PIK3C2G: variants seen among roughly 807,000 people sequenced by gnomAD.
PIK3C2G encodes the protein phosphatidylinositol 3-kinase C2 domain-containing subunit gamma.
PIK3C2G carries 168 observed loss-of-function variants against 181.1 expected under a neutral mutation model. That is an observed-to-expected ratio of 0.93 (90% CI 0.82 to 1.05). PIK3C2G has a LOEUF of 1.05. Ranked by LOEUF, PIK3C2G falls within the 50% of genes least tolerant of loss-of-function variation. PIK3C2G has a pLI of 0.00. For missense variants in PIK3C2G, 1,869 were observed against 1,732.8 expected, an observed-to-expected ratio of 1.08 and a Z score of -1.40; for synonymous variants, 573 against 592.2, an observed-to-expected ratio of 0.97 and a Z score of 0.47.
chr12:18,263,752 C>T (rs1246612454), intron 1 of PIK3C2G, among the ~76,000 whole-genome samples: 2 of 151,946 alleles, frequency 1.3e-5, no homozygotes, highest in Non-Finnish European at 2.9e-5. Context: ...ATACCTTTTT[C>T]GTCTTTTAAA....
chr12:18,425,627 T>C (rs1395411845), intron 18 of PIK3C2G, among the ~76,000 whole-genome samples: 2 of 152,084 alleles, frequency 1.3e-5, no homozygotes, highest in African/African-American at 4.8e-5. Context: ...CTTGACCTCA[T>C]GATCTGCCTG....
At chr12:18,298,430 G>GT (rs1555151574) in intron 5 of PIK3C2G, among the ~76,000 whole-genome samples, 1 of 143,988 alleles carries the variant, frequency 6.9e-6, no homozygotes, top group South Asian at 2.1e-4. Flanking sequence ...TTGCTGTTGA[G>GT]TTTCTTTTAT....
rs1228616711 is a variant in PIK3C2G at position 18,251,114 on chromosome 12, G to C, written c.-79+3032G>C. Among the ~76,000 whole-genome samples, 3 of 151,880 alleles carry C rather than the reference G, an allele frequency of 2.0e-5. No individual in the cohort carries two copies. The East Asian group carries it at 5.8e-4, about 29-fold the overall frequency. On this transcript the variant is annotated intron_variant, in intron 1 of 11. Transcript: ENST00000535651. ...ATCTTTGCCTAGTAAAACATATGTA[G>C]CATTATATGTAATAAATTTCGACTA...
At chr12:18,712,812 A>C in the PIK3C2G span, 1 of 1,608,496 alleles carries the variant, frequency 6.2e-7, no homozygotes, top group African/African-American at 1.3e-5. Flanking sequence ...CTGTTTAAAT[A>C]GCTACAGTTG....
intron 29 of PIK3C2G, among the ~76,000 whole-genome samples, chr12:18,570,951 A>G (rs1945904572): frequency 6.6e-6 from 1 of 150,866 alleles, no homozygotes; most frequent in Non-Finnish European, 1.5e-5. Context: ...GCAAAGGAAA[A>G]TTATAGAGAT....
intron 15 of PIK3C2G, among the ~76,000 whole-genome samples, chr12:18,399,380 T>TAA (rs80121817): frequency 7.2e-6 from 1 of 139,652 alleles, no homozygotes; most frequent in African/African-American, 2.6e-5. Flanking sequence ...AATGACATAT[T>TAA]AAAAAAAAAA....
At chr12:18,390,004 G>T (rs1319388622) in intron 14 of PIK3C2G, among the ~76,000 whole-genome samples, 2 of 152,030 alleles carry the variant, frequency 1.3e-5, no homozygotes, top group African/African-American at 4.8e-5. Context: ...CCCCTCTAAG[G>T]TACCAAAGTT....
chr12:18,719,195 TA>T, the PIK3C2G span, among the ~76,000 whole-genome samples: 1 of 152,116 alleles, frequency 6.6e-6, no homozygotes, highest in South Asian at 2.1e-4. Context: ...GAGAGGAGGT[TA>T]ACAGGTGGGA....
At chr12:18,333,963 C>T (rs1938243561) in intron 8 of PIK3C2G, among the ~76,000 whole-genome samples, 1 of 152,122 alleles carries the variant, frequency 6.6e-6, no homozygotes, top group South Asian at 2.1e-4. Context: ...GGAGACAAGG[C>T]TGTTACCCAC....
At chr12:18,358,916 T>A (rs1309933181) in intron 11 of PIK3C2G, 1 of 164,194 alleles carries the variant, frequency 6.1e-6, no homozygotes, top group Non-Finnish European at 1.3e-5. Flanking sequence ...TGTTGGTACT[T>A]GCTGCTGCAG....
At chr12:18,509,602 C>T (rs1217646674) in intron 24 of PIK3C2G, among the ~76,000 whole-genome samples, 1 of 152,180 alleles carries the variant, frequency 6.6e-6, no homozygotes, top group African/African-American at 2.4e-5. Context: ...CATTTGGAAT[C>T]TATGCTCAGG....
At chr12:18,363,686 T>G (rs1044645772) in intron 12 of PIK3C2G, among the ~76,000 whole-genome samples, 1 of 152,032 alleles carries the variant, frequency 6.6e-6, no homozygotes, top group Non-Finnish European at 1.5e-5. Flanking sequence ...TGATCTGGCT[T>G]TCTTAGAAGA....
downstream of PIK3C2G, among the ~76,000 whole-genome samples, chr12:18,650,331 C>CTCTATA (rs1555163997): frequency 7.3e-4 from 67 of 91,974 alleles, no homozygotes; most frequent in Middle Eastern, 7.7e-3. Flanking sequence ...CTCTCTCTCT[C>CTCTATA]TATATATATA....
chr12:18,270,306 T>C (rs1463957594), intron 1 of PIK3C2G, among the ~76,000 whole-genome samples: 2 of 152,180 alleles, frequency 1.3e-5, no homozygotes, highest in Non-Finnish European at 2.9e-5. Context: ...GTTAGAAATG[T>C]TTACTAATTT....
At chr12:18,639,275 GC>G (rs1484025873) in intron 31 of PIK3C2G, among the ~76,000 whole-genome samples, 1 of 151,960 alleles carries the variant, frequency 6.6e-6, no homozygotes, top group African/African-American at 2.4e-5. Flanking sequence ...ATATTTTCTT[GC>G]TTTACTACAC....
At chr12:18,387,267 A>G (rs947486774) in intron 14 of PIK3C2G, among the ~76,000 whole-genome samples, 12 of 152,156 alleles carry the variant, frequency 7.9e-5, no homozygotes, top group Non-Finnish European at 8.8e-5. Context: ...AAATTTATAC[A>G]GTCACAAGGG....
intron 16 of PIK3C2G, among the ~76,000 whole-genome samples, chr12:18,417,179 T>C (rs1403631422): frequency 6.6e-6 from 1 of 152,194 alleles, no homozygotes; most frequent in Non-Finnish European, 1.5e-5. Context: ...AGCCTGAAGA[T>C]GTGACAGAAT....
chr12:18,471,637 T>C (rs1938468678), intron 18 of PIK3C2G, among the ~76,000 whole-genome samples: 1 of 152,172 alleles, frequency 6.6e-6, no homozygotes, highest in South Asian at 2.1e-4. Context: ...TAGGATTCAA[T>C]TCACAGAGCA....
Position 18,343,360 on chromosome 12 carries a change from G to GGA in PIK3C2G, c.1429+1_1429+2insAG, listed in dbSNP as rs1274763144. ...TCAAAGTTCAGAGACTTCAGCAAAAGGTAAAACATACATGTACTCAAGTAT... is the reference window on the plus strand; with the variant it reads ...TCAAAGTTCAGAGACTTCAGCAAAAGGAGTAAAACATACATGTACTCAAGTAT... On this transcript the variant is annotated frameshift_variant and splice_region_variant. Transcript: ENST00000538779. LOFTEE classifies it high-confidence loss of function. 7.6e-7 allele frequency: 1 copy of GGA among 1,315,444 alleles called. No individual in the cohort carries two copies. Among genetic ancestry groups the GGA allele is most frequent in the Non-Finnish European group, 1.1e-6 (1 of 950,148 alleles). The allele number at this position is 1,315,444 out of a possible 1,614,324, so 81.5% of individuals were successfully genotyped here.
Sources: gnomAD v4.1 joint callset for allele counts (sites outside exome capture counted in the v4.1 genomes callset) on GRCh38, gnomAD v4.1.1 for gene constraint, MANE v1.5 for transcripts, NCBI Gene and HGNC (gene_info 2026-07-23, HGNC 2026-07-21) for gene names.